Variants in GARNL3 observed in about 807,000 individuals in gnomAD.
The protein encoded by GARNL3 is GTPase-activating Rap/Ran-GAP domain-like protein 3.
A neutral mutation model predicts 125.0 loss-of-function variants in GARNL3; 63 were observed. The observed-to-expected ratio is 0.50, with a 90% CI of 0.41 to 0.62. The LOEUF is 0.62. GARNL3 is among the 20% of genes least tolerant of loss of function. The pLI, the probability that GARNL3 is intolerant of heterozygous loss-of-function variation, is 0.00. For missense variants in GARNL3, 994 were observed against 1,244.0 expected, an observed-to-expected ratio of 0.80 and a Z score of 3.02; for synonymous variants, 439 against 457.5, an observed-to-expected ratio of 0.96 and a Z score of 0.52.
At chr9:127,264,039 G>A (rs1275173187), upstream of GARNL3, 2 of 1,255,590 alleles carry the variant, frequency 1.6e-6, no homozygotes, top group Non-Finnish European at 2.2e-6. Flanking sequence ...GATCCCAAAT[G>A]TTTTGAATAT....
chr9:127,260,092 T>A (rs2063559268), upstream of GARNL3, among the ~76,000 whole-genome samples: 1 of 152,208 alleles, frequency 6.6e-6, no homozygotes, highest in Non-Finnish European at 1.5e-5. Flanking sequence ...TATTTTCAAT[T>A]GCATTGTACA....
At chr9:127,366,113 C>T (rs577918513) in intron 22 of GARNL3, among the ~76,000 whole-genome samples, 1 of 152,276 alleles carries the variant, frequency 6.6e-6, no homozygotes, top group South Asian at 2.1e-4. Context: ...TCTAACAAGA[C>T]ATAAAACATG....
intron 13 of GARNL3, among the ~76,000 whole-genome samples, chr9:127,340,225 C>G (rs889510091): frequency 6.6e-6 from 1 of 152,120 alleles, no homozygotes; most frequent in African/African-American, 2.4e-5. Context: ...AGAATGAGAA[C>G]ATAATGTGTG....
chr9:127,231,228 G>GTTTTTTTTTTTTT (rs34963289), intron 1 of GARNL3, among the ~76,000 whole-genome samples: 29 of 100,488 alleles, frequency 2.9e-4, no homozygotes, highest in Non-Finnish European at 4.1e-4. Context: ...CTAATTTTTT[G>GTTTTTTTTTTTTT]TTTTTTTTTT....
chr9:127,353,784 TG>T lies in GARNL3; in HGVS notation c.1544-60del, dbSNP rs1157636805. ...GTTCAAAACTACCCACAGGCACGTT[TG>T]GTGGGTTCTGGAAAGCGTGGGCTGG... On this transcript the variant is annotated intron_variant, in intron 17 of 27. Coordinates refer to ENST00000373387, the MANE Select transcript of GARNL3 (RefSeq NM_032293.5). 5 of 1,098,532 alleles carry T rather than the reference TG, an allele frequency of 4.6e-6. No individual in the cohort carries two copies. The African/African-American group carries it at 7.7e-5, about 17-fold the overall frequency. The allele number at this position is 1,098,532 out of a possible 1,614,324, so 68.0% of individuals were successfully genotyped here.
intron 3 of GARNL3, 154 bp from the exon 4 acceptor site, chr9:127,313,287 C>T (rs1588833260): frequency 3.0e-6 from 2 of 658,268 alleles, no homozygotes; most frequent in East Asian, 5.1e-5. Context: ...AATACATGAT[C>T]CCCCGAGAGA....
At chr9:127,319,351 A>G (rs1361439172) in intron 5 of GARNL3, among the ~76,000 whole-genome samples, 1 of 152,058 alleles carries the variant, frequency 6.6e-6, no homozygotes, top group Non-Finnish European at 1.5e-5. Context: ...GTGTGGTGGC[A>G]CACACCTGTA....
intron 22 of GARNL3, among the ~76,000 whole-genome samples, chr9:127,380,044 G>A (rs560560256): frequency 2.0e-5 from 3 of 152,228 alleles, no homozygotes; most frequent in Admixed American, 1.3e-4. Flanking sequence ...GCCAGGCGTG[G>A]TGGGGCACGC....
At chr9:127,265,484 G>A (rs557144922) in intron 1 of GARNL3, among the ~76,000 whole-genome samples, 2 of 152,132 alleles carry the variant, frequency 1.3e-5, no homozygotes, top group African/African-American at 2.4e-5. Context: ...AAGCATATTG[G>A]TTGGACTAGA....
At chr9:127,324,737 A>C (rs1380026305) in intron 6 of GARNL3, among the ~76,000 whole-genome samples, 1 of 152,232 alleles carries the variant, frequency 6.6e-6, no homozygotes, top group Non-Finnish European at 1.5e-5. Flanking sequence ...CACAGGGGTT[A>C]AGACAGAAGG....
At chr9:127,298,222 A>T (rs947398181) in intron 2 of GARNL3, among the ~76,000 whole-genome samples, 1 of 152,180 alleles carries the variant, frequency 6.6e-6, no homozygotes, top group South Asian at 2.1e-4. Flanking sequence ...CTTATTGCCC[A>T]GGCTGGAGTG....
At chr9:127,331,993 A>G (rs1328941880) in intron 7 of GARNL3, among the ~76,000 whole-genome samples, 2 of 152,008 alleles carry the variant, frequency 1.3e-5, no homozygotes. Flanking sequence ...CTGTTTTGCC[A>G]CAGAACAGAA....
At chr9:127,353,335 T>C (rs1830509914) in intron 17 of GARNL3, among the ~76,000 whole-genome samples, 1 of 152,200 alleles carries the variant, frequency 6.6e-6, no homozygotes, top group African/African-American at 2.4e-5. Flanking sequence ...ACGGGACATA[T>C]TAGGGTAGAG....
intron 1 of GARNL3, among the ~76,000 whole-genome samples, chr9:127,277,290 CCTT>C (rs1354195396): frequency 6.6e-6 from 1 of 151,820 alleles, no homozygotes; most frequent in African/African-American, 2.4e-5. Context: ...TCTATGTAGT[CCTT>C]CTTTTGTGTG....
chr9:127,306,227 A>G (rs72766231), intron 2 of GARNL3, among the ~76,000 whole-genome samples: 21,251 of 152,266 alleles, frequency 0.14, 1,878 homozygotes, highest in East Asian at 0.21. Flanking sequence ...GTTGTATTGA[A>G]ATAATTATCA....
chr9:127,277,794 G>C (rs2063995397), intron 1 of GARNL3, among the ~76,000 whole-genome samples: 1 of 151,974 alleles, frequency 6.6e-6, no homozygotes, highest in African/African-American at 2.4e-5. Context: ...TTTTTTCCAT[G>C]CAGCCTTACC....
chr9:127,265,283 A>G (rs190996340), intron 1 of GARNL3, among the ~76,000 whole-genome samples: 2 of 152,324 alleles, frequency 1.3e-5, no homozygotes, highest in Admixed American at 1.3e-4. Flanking sequence ...CTGTGTATAT[A>G]ATTAAATAAA....
At chr9:127,269,013 TTGTG>T (rs2063760681) in intron 1 of GARNL3, among the ~76,000 whole-genome samples, 1 of 152,220 alleles carries the variant, frequency 6.6e-6, no homozygotes, top group Non-Finnish European at 1.5e-5. Flanking sequence ...GTTTGTCTGT[TTGTG>T]AGGCAGGATC....
intron 1 of GARNL3, among the ~76,000 whole-genome samples, chr9:127,288,627 G>A (rs1187530046): frequency 6.6e-6 from 1 of 152,146 alleles, no homozygotes; most frequent in African/African-American, 2.4e-5. Flanking sequence ...TTCAAAGGGA[G>A]CTGAATTTCT....
Sources: allele counts gnomAD v4.1 joint callset (sites outside exome capture counted in the v4.1 genomes callset), GRCh38; gene constraint gnomAD v4.1.1; transcripts MANE v1.5; gene names NCBI Gene and HGNC (gene_info 2026-07-23, HGNC 2026-07-21).